The following SNTG1 variants were observed in gnomAD, a reference collection of about 807,000 sequenced individuals.
The protein encoded by SNTG1 is syntrophin gamma 1.
In SNTG1, 39 loss-of-function variants were observed where a neutral mutation model predicts 74.7. The observed-to-expected ratio is 0.52, with a 90% confidence interval of 0.40 to 0.68. SNTG1 has a LOEUF of 0.68. Ranked by LOEUF, SNTG1 falls within the 30% of genes least tolerant of loss-of-function variation. The pLI is 0.00. For missense variants in SNTG1, 685 were observed against 609.5 expected (o/e 1.12, Z -1.30); for synonymous variants, 254 against 217.1 (o/e 1.17, Z -1.49).
At chr8:50,106,430 C>T (rs1182053744) in intron 1 of SNTG1, among the ~76,000 whole-genome samples, 7 of 152,092 alleles carry the variant, frequency 4.6e-5, no homozygotes, top group East Asian at 3.9e-4. Flanking sequence ...ACAGAACTAA[C>T]CATTTCACAG....
chr8:50,079,951 C>A (rs867989235), intron 1 of SNTG1, among the ~76,000 whole-genome samples: 1 of 152,114 alleles, frequency 6.6e-6, no homozygotes. Flanking sequence ...GTTACTGTAG[C>A]CTTGTAGTAT....
At chr8:50,548,368 T>C (rs2094402624) in intron 11 of SNTG1, among the ~76,000 whole-genome samples, 1 of 152,036 alleles carries the variant, frequency 6.6e-6, no homozygotes. Context: ...AGAAAAATAA[T>C]AAGGTAATTT....
At chr8:50,295,507 G>A (rs911073767) in intron 2 of SNTG1, among the ~76,000 whole-genome samples, 4 of 152,112 alleles carry the variant, frequency 2.6e-5, no homozygotes, top group Non-Finnish European at 5.9e-5. Flanking sequence ...ACATATTGCA[G>A]CTGCTTTGAT....
At position 50,282,390 on chromosome 8, in the gene SNTG1, AT is replaced by A. The variant is rs572522823; in HGVS notation, c.-28+109760del. Among the ~76,000 whole-genome samples the A allele has an allele frequency of 6.9e-4, 104 of 150,618 alleles. 1 individual carries two copies. Among genetic ancestry groups the A allele is most frequent in the Non-Finnish European group, 1.4e-3 (93 of 66,972 alleles). ...TAAACATGTCTTTCACTGTTGAGCC[AT>A]TTTTCATGTTTCTTTCTTCTTTCTT... On this transcript the variant is annotated intron_variant, in intron 2 of 18. Transcript: ENST00000642720.
At chr8:50,195,968 G>T (rs1011874182) in intron 2 of SNTG1, among the ~76,000 whole-genome samples, 1 of 152,150 alleles carries the variant, frequency 6.6e-6, no homozygotes, top group Non-Finnish European at 1.5e-5. Context: ...CTTGAGATGA[G>T]ATTTTAATAT....
chr8:50,405,112 T>C (rs530507861), intron 4 of SNTG1, among the ~76,000 whole-genome samples: 2 of 152,248 alleles, frequency 1.3e-5, no homozygotes, highest in South Asian at 4.1e-4. Flanking sequence ...TCTAGGAACA[T>C]GGGTGTACAA....
At chr8:50,443,636 TTAAG>T (rs1208477638) in intron 5 of SNTG1, among the ~76,000 whole-genome samples, 10 of 152,306 alleles carry the variant, frequency 6.6e-5, no homozygotes, top group South Asian at 6.2e-4. Context: ...GACAATGAGA[TTAAG>T]TGTCAAGAGG....
intron 1 of SNTG1, among the ~76,000 whole-genome samples, chr8:50,049,940 C>T (rs1187462303): frequency 6.6e-6 from 1 of 151,554 alleles, no homozygotes; most frequent in Non-Finnish European, 1.5e-5. Flanking sequence ...TGTCAAAATT[C>T]GTGGAATTCA....
intron 1 of SNTG1, among the ~76,000 whole-genome samples, chr8:50,101,245 C>T (rs2080113401): frequency 6.6e-6 from 1 of 152,076 alleles, no homozygotes; most frequent in African/African-American, 2.4e-5. Context: ...TGAACATACA[C>T]ATGCGTCTGT....
rs1002478681 is a variant in SNTG1 at position 50,156,283 on chromosome 8, G to C, written c.-102-16278G>C. Among the ~76,000 whole-genome samples, 31 of 152,182 alleles carry C rather than the reference G, an allele frequency of 2.0e-4. 1 individual carries two copies. Among genetic ancestry groups the C allele is most frequent in the Admixed American group, 1.5e-3 (23 of 15,284 alleles). Reference sequence around the variant, plus strand: ...ATTCCCAATTTGTTGTACGAAATCAGTATGGCCCTGAATCCAGTATTGTCA... The same window carrying C: ...ATTCCCAATTTGTTGTACGAAATCACTATGGCCCTGAATCCAGTATTGTCA... On this transcript the variant is annotated intron_variant, in intron 1 of 18. Coordinates refer to ENST00000642720, the MANE Select transcript of SNTG1 (RefSeq NM_018967.5).
chr8:50,004,768 T>G (rs1048136461), intron 1 of SNTG1, among the ~76,000 whole-genome samples: 1 of 152,174 alleles, frequency 6.6e-6, no homozygotes, highest in African/African-American at 2.4e-5. Flanking sequence ...AGAAGAAATC[T>G]TCTACCCTTT....
At chr8:50,708,494 A>G (rs1479574287) in intron 16 of SNTG1, 1 of 167,296 alleles carries the variant, frequency 6.0e-6, no homozygotes, top group Non-Finnish European at 1.3e-5. Context: ...ATTTAACAAT[A>G]GTTCTCTTTT....
At chr8:50,651,787 T>G (rs191950795) in intron 13 of SNTG1, among the ~76,000 whole-genome samples, 28 of 151,136 alleles carry the variant, frequency 1.9e-4, no homozygotes, top group Admixed American at 3.3e-4. Context: ...ATTAAATTAT[T>G]TATTTTTTTG....
chr8:50,550,756 A>G (rs2094420834), intron 11 of SNTG1, among the ~76,000 whole-genome samples: 1 of 152,096 alleles, frequency 6.6e-6, no homozygotes. Context: ...TTAATGCTGT[A>G]AAAGTTTAAT....
intron 13 of SNTG1, among the ~76,000 whole-genome samples, chr8:50,595,450 A>C (rs866768982): frequency 2.0e-5 from 3 of 152,224 alleles, no homozygotes; most frequent in Middle Eastern, 3.4e-3. Context: ...CCCACACCTA[A>C]TTATGTAAAA....
At chr8:50,620,773 G>A (rs2094917820) in intron 13 of SNTG1, among the ~76,000 whole-genome samples, 1 of 152,060 alleles carries the variant, frequency 6.6e-6, no homozygotes, top group African/African-American at 2.4e-5. Context: ...CACTCAAGGA[G>A]TTATCTTTTA....
In SNTG1 at chr8:50,795,441, G is replaced by A. The variant is rs951785706; in HGVS notation, c.*2612G>A. ...AATTTCTATCTCTCATATAATTTAG[G>A]TTTACATGTAAGAGATTTATTCATA... is the stretch of plus-strand genomic sequence containing the variant. On this transcript the variant is annotated 3_prime_UTR_variant, in exon 19 of 19. Transcript: ENST00000642720. The A allele has an allele frequency of 6.6e-6, 1 of 151,974 alleles. No homozygotes were observed. Among genetic ancestry groups the A allele is most frequent in the South Asian group, 2.1e-4 (1 of 4,828 alleles). The allele number at this position is 151,974 out of a possible 1,614,324, so 9.4% of individuals were successfully genotyped here.
chr8:50,150,184 G>A (rs1393545216), intron 1 of SNTG1, among the ~76,000 whole-genome samples: 3 of 152,002 alleles, frequency 2.0e-5, no homozygotes, highest in Admixed American at 6.5e-5. Context: ...TCAGGATTTG[G>A]TTCTCTGTTT....
chr8:50,474,156 T>C (rs550715840), intron 8 of SNTG1, among the ~76,000 whole-genome samples: 2 of 152,106 alleles, frequency 1.3e-5, no homozygotes, highest in Admixed American at 6.5e-5. Flanking sequence ...ATTCAGGACA[T>C]AGGCATGGGC....
Sources: allele counts gnomAD v4.1 joint callset (sites outside exome capture counted in the v4.1 genomes callset), GRCh38; gene constraint gnomAD v4.1.1; transcripts MANE v1.5; gene names NCBI Gene and HGNC (gene_info 2026-07-23, HGNC 2026-07-21).